Variants in KIF26B observed in about 807,000 individuals in gnomAD.
The protein encoded by KIF26B is kinesin family member 26B.
Under a neutral mutation model 151.2 loss-of-function variants are expected in KIF26B, and 63 were observed. The ratio of observed to expected loss-of-function variants is 0.42; its 90% CI spans 0.34 to 0.51. The LOEUF (loss-of-function observed/expected upper bound fraction) is 0.51, where lower values mean the gene tolerates loss of function less well. Ranked by LOEUF, KIF26B falls within the 20% of genes least tolerant of loss-of-function variation. The pLI, the probability that KIF26B is intolerant of heterozygous loss-of-function variation, is 0.07. For missense variants in KIF26B, 2,813 were observed against 2,913.6 expected (o/e 0.97, Z 0.79); for synonymous variants, 1,357 against 1,262.1 (o/e 1.08, Z -1.59).
intron 9 of KIF26B, among the ~76,000 whole-genome samples, chr1:245,615,769 T>A (rs1296783278): frequency 6.6e-6 from 1 of 152,144 alleles, no homozygotes; most frequent in Non-Finnish European, 1.5e-5. Context: ...CTGGGGGACA[T>A]CTCTTCCCTC....
At chr1:245,503,928 G>A (rs1303659183) in intron 4 of KIF26B, among the ~76,000 whole-genome samples, 1 of 152,198 alleles carries the variant, frequency 6.6e-6, no homozygotes, top group African/African-American at 2.4e-5. Flanking sequence ...TGATCCAAAG[G>A]CTGTCTGTAG....
rs1460653668 is a variant in KIF26B at position 245,241,306 on chromosome 1, C to T, written c.465+84623C>T. Reference sequence around the variant, plus strand: ...AGAGGGTGCCCCGACAGAGGAAAAGCGGCCGGTGGGTTTTAGATCCTCATT... The same window carrying T: ...AGAGGGTGCCCCGACAGAGGAAAAGTGGCCGGTGGGTTTTAGATCCTCATT... On this transcript the variant is annotated intron_variant, in intron 2 of 14. Transcript: ENST00000407071. This position sits in a 1 kb window ranked among gnomAD's most constrained non-coding sequence, Gnocchi z 5.0. Among the ~76,000 whole-genome samples the T allele has an allele frequency of 2.0e-5, 3 of 152,052 alleles. No homozygotes were observed. Among genetic ancestry groups the T allele is most frequent in the Admixed American group, 6.5e-5 (1 of 15,272 alleles).
intron 2 of KIF26B, among the ~76,000 whole-genome samples, chr1:245,169,808 G>A (rs533814361): frequency 6.6e-6 from 1 of 152,206 alleles, no homozygotes; most frequent in African/African-American, 2.4e-5. Context: ...CCCCTTTATG[G>A]TGGTCAGGAA....
At position 245,684,261 on chromosome 1, in the gene KIF26B, G is replaced by C; in HGVS notation, c.2287G>C (p.Glu763Gln). The C allele has an allele frequency of 6.2e-7, 1 of 1,613,762 alleles. No homozygotes were observed. The highest frequency in any genetic ancestry group is 8.5e-7 in the Non-Finnish European group (1 of 1,179,700). ...GAGCAAGCTCGCCATGTTGCTGCGG[G>C]AGTCTCTGGGGAACATGAACTGCCG... ...KESKLAMLLR[E>Q]SLGNMNCRTT... The change falls in exon 11 of 15, where the codon GAG (glutamate) becomes CAG (glutamine). Residue 763 changes from glutamate to glutamine, a missense_variant. Glu to Gln is a conservative substitution (Grantham distance 29). Transcript: ENST00000407071.
At chr1:245,400,490 T>TG (rs1182432252) in intron 3 of KIF26B, among the ~76,000 whole-genome samples, 7 of 148,638 alleles carry the variant, frequency 4.7e-5, no homozygotes, top group Admixed American at 3.4e-4. Flanking sequence ...GATAGTGAGT[T>TG]TTTTTTTTTT....
chr1:245,465,963 C>T (rs541592646), intron 4 of KIF26B, among the ~76,000 whole-genome samples: 3 of 152,334 alleles, frequency 2.0e-5, no homozygotes, highest in South Asian at 4.1e-4. Flanking sequence ...CGTCTGCCTC[C>T]TGGCGCAGAG....
intron 2 of KIF26B, among the ~76,000 whole-genome samples, chr1:245,364,960 G>A: frequency 6.6e-6 from 1 of 152,226 alleles, no homozygotes; most frequent in Admixed American, 6.5e-5. Flanking sequence ...ACATGGGGCT[G>A]GAACCCTTCT....
At chr1:245,671,295 C>G (rs1360121207) in intron 10 of KIF26B, among the ~76,000 whole-genome samples, 3 of 152,160 alleles carry the variant, frequency 2.0e-5, no homozygotes, top group Non-Finnish European at 2.9e-5. Context: ...ATTATTCACT[C>G]ATAAAAAGTG....
At chr1:245,700,596 G>T (rs2044757076) in intron 14 of KIF26B, among the ~76,000 whole-genome samples, 1 of 152,156 alleles carries the variant, frequency 6.6e-6, no homozygotes, top group Non-Finnish European at 1.5e-5. Flanking sequence ...TACTCAGGAG[G>T]CTGAGGTTGC....
intron 8 of KIF26B, among the ~76,000 whole-genome samples, chr1:245,611,583 T>C (rs1173156102): frequency 6.6e-6 from 1 of 152,226 alleles, no homozygotes; most frequent in Non-Finnish European, 1.5e-5. Flanking sequence ...ATAAGTATGC[T>C]CAATATTAAT....
At chr1:245,340,244 G>A (rs1379577294) in intron 2 of KIF26B, among the ~76,000 whole-genome samples, 1 of 152,054 alleles carries the variant, frequency 6.6e-6, no homozygotes, top group Non-Finnish European at 1.5e-5. Context: ...GTATAACCCA[G>A]GTACGTCCTC....
intron 4 of KIF26B, among the ~76,000 whole-genome samples, chr1:245,486,422 A>G (rs1012002384): frequency 5.9e-5 from 9 of 152,324 alleles, no homozygotes; most frequent in African/African-American, 1.4e-4. Context: ...AGACCATCAC[A>G]TATAGTGCTA....
chr1:245,340,874 G>A (rs1309335100), intron 2 of KIF26B, among the ~76,000 whole-genome samples: 2 of 152,180 alleles, frequency 1.3e-5, no homozygotes, highest in Non-Finnish European at 2.9e-5. Context: ...ACGATCTAAG[G>A]GAGGGAACAG....
intron 4 of KIF26B, among the ~76,000 whole-genome samples, chr1:245,460,450 G>C (rs1459781804): frequency 1.3e-5 from 2 of 152,104 alleles, no homozygotes; most frequent in African/African-American, 4.8e-5. Flanking sequence ...ATTTTTTACA[G>C]GCTGTCTGTG....
chr1:245,262,752 G>A (rs1161392793), intron 2 of KIF26B, among the ~76,000 whole-genome samples: 1 of 152,138 alleles, frequency 6.6e-6, no homozygotes, highest in Non-Finnish European at 1.5e-5. Flanking sequence ...ACTGCGCCTG[G>A]CCAGGAATGA....
At position 245,686,986 on chromosome 1, in the gene KIF26B, G is replaced by T; in HGVS notation, c.4003G>T (p.Ala1335Ser). ...TGTGGTGTGCAGAGAGAAGCCCAAG[G>T]CCAGCCCCGACAACTTGCTCATCCT... ...TAVVCREKPK[A>S]SPDNLLILSE... The change falls in exon 12 of 15, where the codon GCC becomes TCC. Residue 1335 changes from alanine (A) to serine (S), a missense_variant. Physicochemically the swap from Ala to Ser is moderately conservative, Grantham distance 99 (BLOSUM62 1). This residue lies in a region of KIF26B where 2,060 missense variants were observed against 2,088.6 expected (regional missense o/e 0.99). Coordinates refer to ENST00000407071, the MANE Select transcript of KIF26B (RefSeq NM_018012.4). The surrounding 1 kb of genome is among the most constrained non-coding windows in gnomAD (Gnocchi z 5.6). 1 of 1,613,564 alleles carries T rather than the reference G, an allele frequency of 6.2e-7. No individual in the cohort carries two copies. Among genetic ancestry groups the T allele is most frequent in the East Asian group, 2.2e-5 (1 of 44,880 alleles).
At position 245,687,677 on chromosome 1, in the gene KIF26B, G is replaced by A; in HGVS notation, c.4694G>A (p.Gly1565Asp). The change falls in exon 12 of 15, where the codon GGT becomes GAT. Residue 1565 changes from glycine (G) to aspartate (D), a missense_variant. By Grantham distance (94) the Gly-to-Asp change is moderately conservative (BLOSUM62 -1). Coordinates refer to ENST00000407071, the MANE Select transcript of KIF26B (RefSeq NM_018012.4). This position sits in a 1 kb window ranked among gnomAD's most constrained non-coding sequence, Gnocchi z 4.9. ...TGCGCTGCTGAGACCAACGGGGTGG[G>A]TGCAGCCTCGGGCACCCCGCCCTCC... is the stretch of plus-strand genomic sequence containing the variant. The part of the protein sequence containing the change: ...YYCAAETNGV[G>D]AASGTPPSKA... The A allele has an allele frequency of 6.3e-7, 1 of 1,578,896 alleles. No homozygotes were observed.
chr1:245,185,258 C>T (rs1396690748), intron 2 of KIF26B, among the ~76,000 whole-genome samples: 2 of 151,994 alleles, frequency 1.3e-5, no homozygotes, highest in African/African-American at 4.8e-5. Flanking sequence ...CCTGCCTCAG[C>T]CTCCCGGGTA....
intron 12 of KIF26B, among the ~76,000 whole-genome samples, chr1:245,697,517 A>G (rs975568126): frequency 6.6e-6 from 1 of 152,162 alleles, no homozygotes; most frequent in African/African-American, 2.4e-5. Flanking sequence ...TGACCTATCC[A>G]TGCTGAGGAT....
Sources: gnomAD v4.1 joint callset for allele counts (sites outside exome capture counted in the v4.1 genomes callset) on GRCh38, gnomAD v4.1.1 for gene constraint, gnomAD v4.1.1 regional missense constraint, Gnocchi (gnomAD v3.1) non-coding constraint, MANE v1.5 for transcripts, NCBI Gene and HGNC (gene_info 2026-07-23, HGNC 2026-07-21) for gene names.